Variants in NPAS3 observed in about 807,000 individuals in gnomAD.
The protein encoded by NPAS3 is neuronal PAS domain protein 3.
In NPAS3, 14 loss-of-function variants were observed where a neutral mutation model predicts 73.1. The observed-to-expected ratio is 0.19, with a 90% CI of 0.13 to 0.30. The LOEUF (loss-of-function observed/expected upper bound fraction) is 0.30, where lower values mean the gene tolerates loss of function less well. Among genes scored for constraint, NPAS3 ranks in the 10% least tolerant of loss-of-function variants. NPAS3 has a pLI of 1.00. For synonymous variants in NPAS3, 620 were observed against 541.5 expected (o/e 1.14, Z -2.01); for missense variants, 1,096 against 1,250.0 (o/e 0.88, Z 1.86).
At chr14:33,362,214 C>T (rs1162894256) in intron 3 of NPAS3, among the ~76,000 whole-genome samples, 1 of 152,016 alleles carries the variant, frequency 6.6e-6, no homozygotes, top group Non-Finnish European at 1.5e-5. Flanking sequence ...AAGCCATGCA[C>T]AGATACTGAG....
At chr14:33,117,137 G>C (rs567157606) in intron 2 of NPAS3, among the ~76,000 whole-genome samples, 1 of 151,936 alleles carries the variant, frequency 6.6e-6, no homozygotes, top group East Asian at 1.9e-4. Flanking sequence ...CATATATGCT[G>C]TATAATCATC....
chr14:33,204,576 C>A (rs2046752100), intron 2 of NPAS3, among the ~76,000 whole-genome samples: 1 of 152,064 alleles, frequency 6.6e-6, no homozygotes, highest in Non-Finnish European at 1.5e-5. Context: ...TAGCTGCCGT[C>A]AGGTTTTCAA....
chr14:33,196,919 T>C (rs886999340), intron 2 of NPAS3, among the ~76,000 whole-genome samples: 1 of 152,194 alleles, frequency 6.6e-6, no homozygotes, highest in East Asian at 1.9e-4. Flanking sequence ...TTATTTTCTG[T>C]GTAAGAATTG....
chr14:33,474,089 G>A (rs529649686), intron 4 of NPAS3, among the ~76,000 whole-genome samples: 2 of 152,248 alleles, frequency 1.3e-5, no homozygotes, highest in African/African-American at 2.4e-5. Flanking sequence ...CATAGGGAAC[G>A]TTCGCTTTCT....
chr14:33,229,889 G>C (rs12323418), intron 3 of NPAS3, among the ~76,000 whole-genome samples: 4 of 152,172 alleles, frequency 2.6e-5, no homozygotes, highest in Non-Finnish European at 2.9e-5. Context: ...AGATTCATAC[G>C]AATTGTAAGT....
rs567272664 is a variant in NPAS3, at chr14:33,735,784, C to T, written c.852+452C>T. Among the ~76,000 whole-genome samples the T allele has an allele frequency of 2.0e-5, 3 of 151,946 alleles. No homozygotes were observed. In the East Asian group the frequency reaches 5.8e-4, roughly 30 times the overall value. The stretch of plus-strand genomic sequence containing the variant: ...AGCCACCGAGATTTGTACACATAGA[C>T]GAGAAAATCAGTTGGGATATTAGAA... On this transcript the variant is annotated intron_variant, in intron 7 of 11. Coordinates refer to ENST00000356141, the Ensembl canonical transcript of NPAS3.
At chr14:33,522,887 T>C (rs1199479263) in intron 4 of NPAS3, among the ~76,000 whole-genome samples, 1 of 152,168 alleles carries the variant, frequency 6.6e-6, no homozygotes, top group Non-Finnish European at 1.5e-5. Context: ...ACTTGCCTCA[T>C]ATTCCTTATC....
chr14:33,789,349 GC>G (rs1273080707), intron 9 of NPAS3, among the ~76,000 whole-genome samples: 3 of 152,094 alleles, frequency 2.0e-5, no homozygotes, highest in Non-Finnish European at 4.4e-5. Flanking sequence ...TTTCCTTCGA[GC>G]AACAACAGCC....
chr14:33,773,688 A>C (rs2062724880), intron 7 of NPAS3, among the ~76,000 whole-genome samples: 1 of 152,106 alleles, frequency 6.6e-6, no homozygotes, highest in African/African-American at 2.4e-5. Flanking sequence ...AGTCTTCCTG[A>C]CCCTACTTTA....
chr14:33,379,937 G>T (rs539397978), intron 4 of NPAS3, among the ~76,000 whole-genome samples: 1 of 150,894 alleles, frequency 6.6e-6, no homozygotes, highest in African/African-American at 2.4e-5. Flanking sequence ...GCTTTTTAAA[G>T]ACAAAGATTA....
chr14:33,034,830 A>G (rs1392212269), intron 1 of NPAS3, among the ~76,000 whole-genome samples: 1 of 152,146 alleles, frequency 6.6e-6, no homozygotes, highest in Non-Finnish European at 1.5e-5. Context: ...GACTCAACCA[A>G]GGAGGCCATA....
At chr14:33,426,392 G>A (rs996550109) in intron 4 of NPAS3, among the ~76,000 whole-genome samples, 2 of 151,988 alleles carry the variant, frequency 1.3e-5, no homozygotes, top group African/African-American at 4.8e-5. Context: ...AGAGAAGCAG[G>A]GAGCTTGCTA....
intron 2 of NPAS3, among the ~76,000 whole-genome samples, chr14:33,087,141 TA>T (rs796901035): frequency 2.0e-4 from 18 of 89,024 alleles, no homozygotes; most frequent in Non-Finnish European, 3.4e-4. Context: ...TATTGTATAA[TA>T]ATATAGTATA....
intron 3 of NPAS3, among the ~76,000 whole-genome samples, chr14:33,320,016 G>T (rs2043370227): frequency 6.6e-6 from 1 of 152,170 alleles, no homozygotes; most frequent in East Asian, 1.9e-4. Flanking sequence ...TTAAGGGAAA[G>T]AGAGATTCCT....
chr14:33,637,229 A>G (rs2058546701), intron 5 of NPAS3, among the ~76,000 whole-genome samples: 1 of 152,216 alleles, frequency 6.6e-6, no homozygotes, highest in African/African-American at 2.4e-5. Flanking sequence ...TCACAAATCT[A>G]TAATTAACTT....
At chr14:33,445,263 T>C (rs1463717467) in intron 4 of NPAS3, among the ~76,000 whole-genome samples, 2 of 152,224 alleles carry the variant, frequency 1.3e-5, no homozygotes, top group African/African-American at 4.8e-5. Flanking sequence ...AATATTTAAG[T>C]TCATTTTGTT....
chr14:33,446,445 G>T (rs991313120), intron 4 of NPAS3, among the ~76,000 whole-genome samples: 37 of 152,014 alleles, frequency 2.4e-4, no homozygotes, highest in African/African-American at 8.5e-4. Context: ...AAAGTGCTGG[G>T]ATTACAGGCG....
At chr14:33,590,198 C>T (rs978417665) in intron 5 of NPAS3, among the ~76,000 whole-genome samples, 6 of 152,128 alleles carry the variant, frequency 3.9e-5, no homozygotes, top group Admixed American at 6.5e-5. Flanking sequence ...AGATGGTCAC[C>T]AAATGAAGTT....
At chr14:33,084,487 AAAGTTAGG>A (rs1446681440) in intron 2 of NPAS3, among the ~76,000 whole-genome samples, 1 of 152,168 alleles carries the variant, frequency 6.6e-6, no homozygotes, top group Non-Finnish European at 1.5e-5. Context: ...TTATGTTCTA[AAAGTTAGG>A]AAGTTAGTGG....
Sources: gnomAD v4.1 joint callset for allele counts (sites outside exome capture counted in the v4.1 genomes callset) on GRCh38, gnomAD v4.1.1 for gene constraint, MANE v1.5 for transcripts, NCBI Gene and HGNC (gene_info 2026-07-23, HGNC 2026-07-21) for gene names.